Variants in SSBP3 observed in about 807,000 individuals in gnomAD.
The protein encoded by SSBP3 is single-stranded DNA-binding protein 3.
In SSBP3, 5 loss-of-function variants were observed where a neutral mutation model predicts 69.6. The ratio of observed to expected loss-of-function variants is 0.07; its 90% CI spans 0.04 to 0.15. SSBP3 has a LOEUF of 0.15. Among genes scored for constraint, SSBP3 ranks in the 10% least tolerant of loss-of-function variants. SSBP3 has a pLI of 1.00. For synonymous variants in SSBP3, 196 were observed against 193.4 expected (o/e 1.01, Z -0.11); for missense variants, 312 against 534.0 (o/e 0.58, Z 4.10).
At chr1:54,319,493 A>T (rs190481593) in intron 4 of SSBP3, among the ~76,000 whole-genome samples, 1 of 152,112 alleles carries the variant, frequency 6.6e-6, no homozygotes, top group African/African-American at 2.4e-5. Context: ...TTTATAAGGG[A>T]AATTTCCAAA....
At chr1:54,238,195 C>T (rs973822680) in intron 14 of SSBP3, 3 of 470,960 alleles carry the variant, frequency 6.4e-6, no homozygotes, top group Non-Finnish European at 1.3e-5. Flanking sequence ...ACAGGGCAGC[C>T]CGCGCTCGGG....
chr1:54,411,794 A>C (rs1049469295), intron 1 of SSBP3, among the ~76,000 whole-genome samples: 10 of 148,618 alleles, frequency 6.7e-5, no homozygotes, highest in Admixed American at 4.7e-4. Flanking sequence ...CAGGAGGCTG[A>C]GGCAGGAGAA....
chr1:54,257,344 T>C, intron 6 of SSBP3, 158 bp from the exon 7 acceptor site: 1 of 587,770 alleles, frequency 1.7e-6, no homozygotes, highest in East Asian at 3.3e-5. Context: ...AAACTTCCTT[T>C]GGGCAGAGGG....
At chr1:54,230,002 T>C (rs2100556704) in intron 14 of SSBP3, among the ~76,000 whole-genome samples, 1 of 151,912 alleles carries the variant, frequency 6.6e-6, no homozygotes, top group Non-Finnish European at 1.5e-5. Context: ...AATTGAGGGG[T>C]AAAATCTGGG....
At chr1:54,341,403 T>C (rs1001547487) in intron 4 of SSBP3, among the ~76,000 whole-genome samples, 2 of 152,130 alleles carry the variant, frequency 1.3e-5, no homozygotes, top group African/African-American at 4.8e-5. Flanking sequence ...TTGAGAAACC[T>C]TAAAAAATTA....
At chr1:54,249,506 G>T (rs937895958) in intron 9 of SSBP3, among the ~76,000 whole-genome samples, 2 of 151,906 alleles carry the variant, frequency 1.3e-5, no homozygotes, top group Admixed American at 6.6e-5. Context: ...ACCAGTCTGG[G>T]CAACATGGCA....
chr1:54,355,434 C>G (rs1271046399), intron 4 of SSBP3, among the ~76,000 whole-genome samples: 1 of 152,196 alleles, frequency 6.6e-6, no homozygotes, highest in Non-Finnish European at 1.5e-5. Flanking sequence ...ACTGTAACCT[C>G]TGCCTTCTGG....
intron 4 of SSBP3, among the ~76,000 whole-genome samples, chr1:54,337,485 C>CTTTTTTTTT (rs869039822): frequency 0.013 from 656 of 51,174 alleles, 122 homozygotes; most frequent in East Asian, 0.058. Flanking sequence ...TTTCCTCAAG[C>CTTTTTTTTT]TTTTTTTTTT....
chr1:54,390,729 C>T lies in SSBP3; in HGVS notation c.276+11132G>A, dbSNP rs1427159215. On this transcript the variant is annotated intron_variant, in intron 4 of 17. Coordinates refer to ENST00000610401, the Ensembl canonical transcript of SSBP3. ...CATGCTGTAAAATCCCCTTTTGAAG[C>T]GGCTCACCAGCGCGGAGATCGTGGA... Among the ~76,000 whole-genome samples the T allele has an allele frequency of 3.3e-5, 5 of 152,356 alleles. 1 individual carries two copies. The East Asian group carries it at 5.8e-4, about 18-fold the overall frequency.
chr1:54,391,338 ATCTTGTAC>A (rs761635873), intron 4 of SSBP3, among the ~76,000 whole-genome samples: 64 of 152,354 alleles, frequency 4.2e-4, no homozygotes, highest in Non-Finnish European at 6.9e-4. Context: ...AAAGAATCAG[ATCTTGTAC>A]CTTGGTCATC....
exon 5 of SSBP3, chr1:54,281,522 T>A: frequency 1.9e-6 from 3 of 1,561,240 alleles, no homozygotes; most frequent in African/African-American, 1.4e-5. Context: ...GGGCAGCTGC[T>A]GCACTCTGTG....
chr1:54,356,036 T>C (rs1245944230), intron 4 of SSBP3, among the ~76,000 whole-genome samples: 4 of 152,152 alleles, frequency 2.6e-5, no homozygotes, highest in African/African-American at 9.7e-5. Flanking sequence ...GGCAGCCTCA[T>C]GAAATAATGA....
At chr1:54,272,324 C>A (rs1299942848) in intron 5 of SSBP3, among the ~76,000 whole-genome samples, 3 of 152,036 alleles carry the variant, frequency 2.0e-5, no homozygotes, top group Non-Finnish European at 4.4e-5. Flanking sequence ...CAGAGCCCAG[C>A]CCAGACTCCC....
chr1:54,361,292 T>A (rs1456186438), intron 4 of SSBP3, among the ~76,000 whole-genome samples: 2 of 152,176 alleles, frequency 1.3e-5, no homozygotes, highest in Non-Finnish European at 2.9e-5. Context: ...AAAATTCACA[T>A]CCTGTAACCT....
intron 4 of SSBP3, among the ~76,000 whole-genome samples, chr1:54,297,474 T>C (rs924216003): frequency 6.6e-6 from 1 of 152,044 alleles, no homozygotes; most frequent in Non-Finnish European, 1.5e-5. Context: ...CTACTAAAAA[T>C]ACAAAAATTA....
intron 5 of SSBP3, 119 bp downstream of exon 5, chr1:54,281,319 G>A (rs958038549): frequency 1.7e-5 from 13 of 744,894 alleles, no homozygotes; most frequent in Non-Finnish European, 2.8e-5. Context: ...CCAGCATAAA[G>A]CAACTGTATT....
rs77235902 is a variant in SSBP3, at chr1:54,300,308, G to A, written c.277-18781C>T. 1.5e-3 allele frequency among the ~76,000 whole-genome samples: 224 copies of A among 152,266 alleles called. 1 individual carries two copies. The highest frequency in any genetic ancestry group is 1.1e-3 in the Admixed American group (17 of 15,294). On this transcript the variant is annotated intron_variant, in intron 4 of 17. Coordinates refer to ENST00000610401, the Ensembl canonical transcript of SSBP3. The stretch of plus-strand genomic sequence containing the variant: ...TCTAGAGGCAGCACAGGAAGAGCTG[G>A]CCTGGGGTCTCAGGAGGCCAGCAGA...
intron 4 of SSBP3, among the ~76,000 whole-genome samples, chr1:54,351,644 T>A (rs561052463): frequency 1.3e-5 from 2 of 152,248 alleles, no homozygotes; most frequent in Non-Finnish European, 2.9e-5. Flanking sequence ...TCTTTTCATG[T>A]TCCTCTGGCG....
intron 14 of SSBP3, chr1:54,238,622 G>T: frequency 3.1e-6 from 1 of 324,162 alleles, no homozygotes; most frequent in South Asian, 3.0e-5. Context: ...TCACCCAAGG[G>T]CTGCAACTCT....
Sources: gnomAD v4.1 joint callset for allele counts (sites outside exome capture counted in the v4.1 genomes callset) on GRCh38, gnomAD v4.1.1 for gene constraint, MANE v1.5 for transcripts, NCBI Gene and HGNC (gene_info 2026-07-23, HGNC 2026-07-21) for gene names.